The following MED23 variants were observed in gnomAD, a reference collection of about 807,000 sequenced individuals.
MED23 encodes the protein mediator complex subunit 23.
A neutral mutation model predicts 163.9 loss-of-function variants in MED23; 105 were observed. The observed-to-expected ratio is 0.64, with a 90% CI of 0.55 to 0.75. The LOEUF is 0.75. Among genes scored for constraint, MED23 ranks in the 30% least tolerant of loss-of-function variants. MED23 has a pLI of 0.00. For synonymous variants in MED23, 561 were observed against 565.6 expected, an observed-to-expected ratio of 0.99 and a Z score of 0.12; for missense variants, 1,054 against 1,649.0, an observed-to-expected ratio of 0.64 and a Z score of 6.25.
chr6:131,591,213 T>G, intron 26 of MED23, 100 bp downstream of exon 26: 1 of 866,272 alleles, frequency 1.2e-6, no homozygotes, highest in East Asian at 2.6e-5. Context: ...CGCCTGACCT[T>G]GTGATCTGCC....
At chr6:131,615,103 GA>G (rs1776576711) in intron 10 of MED23, among the ~76,000 whole-genome samples, 1 of 126,284 alleles carries the variant, frequency 7.9e-6, no homozygotes, top group Admixed American at 7.8e-5. Context: ...AAAGAAAAAA[GA>G]ATATTAAAAT....
At chr6:131,601,120 A>G in intron 17 of MED23, among the ~76,000 whole-genome samples, 1 of 152,302 alleles carries the variant, frequency 6.6e-6, no homozygotes, top group South Asian at 2.1e-4. Context: ...TATTTAGCAG[A>G]CATTTTCTTG....
At position 131,586,969 on chromosome 6, in the gene MED23, A is replaced by G. The variant is rs181918549; in HGVS notation, c.*710T>C. On this transcript the variant is annotated 3_prime_UTR_variant, in exon 29 of 29. Coordinates refer to ENST00000368068, the MANE Select transcript of MED23 (RefSeq NM_004830.4). ...AAGCAATTAACTTATTTTTAAAAAA[A>G]GAAATTGGAGAATCAACCATTTAAG... The G allele has an allele frequency of 8.7e-4, 1,298 of 1,490,026 alleles. 13 individuals are homozygous for G. The highest frequency in any genetic ancestry group is 1.5e-4 in the East Asian group (6 of 39,900). The allele number at this position is 1,490,026 out of a possible 1,614,324, so 92.3% of individuals were successfully genotyped here.
Position 131,619,722 on chromosome 6 carries a change from A to G in MED23, c.667+105T>C, listed in dbSNP as rs145412319. The G allele has an allele frequency of 9.4e-3, 8,040 of 858,860 alleles. 83 individuals are homozygous for G. Among genetic ancestry groups the G allele is most frequent in the Admixed American group, 0.032 (1,737 of 53,660 alleles). 53.2% of individuals were successfully genotyped at this position (858,860 alleles called of 1,614,324 possible). A position where few individuals can be genotyped will look rare whatever the true frequency, so the allele number is the denominator to read the frequency against. ...AAGCTCTTAGAGAGTCACCAAAATG[A>G]CAAGCCACCAAGGCACATATTAAGA... On this transcript the variant is annotated intron_variant, in intron 8 of 28. Coordinates refer to ENST00000368068, the MANE Select transcript of MED23 (RefSeq NM_004830.4).
intron 10 of MED23, among the ~76,000 whole-genome samples, chr6:131,614,793 C>A (rs570840602): frequency 2.0e-5 from 3 of 152,244 alleles, no homozygotes; most frequent in Non-Finnish European, 4.4e-5. Flanking sequence ...CAGCATATCT[C>A]TATTAAAGTG....
At chr6:131,584,080 TCTAA>T (rs1774080314), downstream of MED23, 2 of 768,576 alleles carry the variant, frequency 2.6e-6, no homozygotes, top group Non-Finnish European at 2.0e-6. Flanking sequence ...ATGTGGAAAT[TCTAA>T]CTTTTTTGAA....
chr6:131,591,022 C>A (rs1774581274), intron 26 of MED23, among the ~76,000 whole-genome samples: 1 of 150,864 alleles, frequency 6.6e-6, no homozygotes, highest in South Asian at 2.1e-4. Context: ...CACTCTGTCA[C>A]CAGGCTGGAG....
Position 131,586,969 on chromosome 6 carries a change from A to AGAAATTG in MED23, c.*703_*709dup, listed in dbSNP as rs1562365231. 4 of 1,490,030 alleles carry AGAAATTG rather than the reference A, an allele frequency of 2.7e-6. No individual in the cohort carries two copies. The allele number at this position is 1,490,030 out of a possible 1,614,324, so 92.3% of individuals were successfully genotyped here. On this transcript the variant is annotated 3_prime_UTR_variant, in exon 29 of 29. Coordinates refer to ENST00000368068, the MANE Select transcript of MED23 (RefSeq NM_004830.4). The stretch of plus-strand genomic sequence containing the variant: ...AAGCAATTAACTTATTTTTAAAAAA[A>AGAAATTG]GAAATTGGAGAATCAACCATTTAAG...
intron 30 of MED23, among the ~76,000 whole-genome samples, chr6:131,577,264 G>T (rs1773664478): frequency 6.6e-6 from 1 of 152,144 alleles, no homozygotes; most frequent in African/African-American, 2.4e-5. Flanking sequence ...TAAAGTGTTG[G>T]TCAGGATGTG....
downstream of MED23, chr6:131,582,909 TTAAAAA>T (rs1386215208): frequency 5.2e-6 from 4 of 764,510 alleles, no homozygotes; most frequent in East Asian, 2.7e-5. Context: ...TGACTTGCTG[TTAAAAA>T]TAAATACAAA....
intron 23 of MED23, 124 bp downstream of exon 23, chr6:131,593,975 A>T (rs996396321): frequency 2.7e-6 from 2 of 745,050 alleles, no homozygotes; most frequent in South Asian, 3.6e-5. Flanking sequence ...ATGAAAATGG[A>T]AGTGATCTTA....
chr6:131,586,720 A>T (rs1774202632), downstream of MED23: 1 of 1,422,700 alleles, frequency 7.0e-7, no homozygotes, highest in African/African-American at 1.4e-5. Context: ...GCCGACACTC[A>T]TTCCAATGGA....
chr6:131,621,986 T>A lies in MED23; in HGVS notation c.397-7A>T, dbSNP rs775970481. 1 of 1,603,474 alleles carries A rather than the reference T, an allele frequency of 6.2e-7. No homozygotes were observed. Among genetic ancestry groups the A allele is most frequent in the Admixed American group, 1.7e-5 (1 of 59,950 alleles). The stretch of plus-strand genomic sequence containing the variant: ...TTAAGAGATCTCGAACACCCTGATA[T>A]AAGAAAAAAGACATGGGTTAAAATT... On this transcript the variant is annotated splice_region_variant and splice_polypyrimidine_tract_variant and intron_variant, in intron 5 of 28. Transcript: ENST00000368068.
chr6:131,589,295 T>C (rs1164093970), intron 28 of MED23, among the ~76,000 whole-genome samples, 170 bp downstream of exon 28: 1 of 152,174 alleles, frequency 6.6e-6, no homozygotes, highest in African/African-American at 2.4e-5. Flanking sequence ...ATACTACATC[T>C]AGAATAATAT....
intron 10 of MED23, 72 bp downstream of exon 10, chr6:131,615,835 T>G: frequency 8.9e-7 from 1 of 1,120,668 alleles, no homozygotes; most frequent in African/African-American, 1.5e-5. Flanking sequence ...CAGTTAGCTA[T>G]AGCAAAGAAA....
At chr6:131,609,365 C>T (rs1199494187) in intron 11 of MED23, among the ~76,000 whole-genome samples, 4 of 152,102 alleles carry the variant, frequency 2.6e-5, no homozygotes, top group Non-Finnish European at 5.9e-5. Context: ...TCTCACACAT[C>T]TCTATCCCTT....
At chr6:131,602,457 G>A (rs1775555218) in intron 16 of MED23, 76 bp from the exon 17 acceptor site, 3 of 1,307,610 alleles carry the variant, frequency 2.3e-6, no homozygotes, top group Non-Finnish European at 1.1e-6. Flanking sequence ...TAATTACAAT[G>A]GAAAAACATG....
downstream of MED23, among the ~76,000 whole-genome samples, chr6:131,585,262 C>T (rs956985647): frequency 1.3e-5 from 2 of 152,086 alleles, no homozygotes; most frequent in Admixed American, 6.6e-5. Flanking sequence ...ACAAGGGAAG[C>T]AAAGTTTTTC....
Position 131,627,995 on chromosome 6 carries a change from C to T in MED23, c.39+16G>A, listed in dbSNP as rs1300731071. On this transcript the variant is annotated intron_variant, in intron 1 of 28. Coordinates refer to ENST00000368068, the MANE Select transcript of MED23 (RefSeq NM_004830.4). ...TCCCCAAGCCGTAGTCCTGGATGGC[C>T]GGCAGCTGCACTCACCACCACCTCT... 6.2e-7 allele frequency: 1 copy of T among 1,613,796 alleles called. No individual in the cohort carries two copies. The highest frequency in any genetic ancestry group is 8.5e-7 in the Non-Finnish European group (1 of 1,180,046).
Sources: allele counts gnomAD v4.1 joint callset (sites outside exome capture counted in the v4.1 genomes callset), GRCh38; gene constraint gnomAD v4.1.1; transcripts MANE v1.5; gene names NCBI Gene and HGNC (gene_info 2026-07-23, HGNC 2026-07-21).